The following MYOC variants were observed in gnomAD, a reference collection of about 807,000 sequenced individuals.
The protein encoded by MYOC is juvenile-onset open-angle glaucoma 1.
MYOC carries 29 observed loss-of-function variants against 28.2 expected under a neutral mutation model. That is an observed-to-expected ratio of 1.03 (90% CI 0.77 to 1.40). The LOEUF is 1.40. Among genes scored for constraint, MYOC ranks in the 40% most tolerant of loss-of-function variants. MYOC has a pLI of 0.00. For synonymous variants in MYOC, 240 were observed against 245.6 expected, an observed-to-expected ratio of 0.98 and a Z score of 0.21; for missense variants, 569 against 620.6, an observed-to-expected ratio of 0.92 and a Z score of 0.88.
In MYOC at chr1:171,635,895, C is replaced by T; in HGVS notation, c.*30G>A. 2 of 1,612,736 alleles carry T rather than the reference C, an allele frequency of 1.2e-6. No homozygotes were observed. Among genetic ancestry groups the T allele is most frequent in the Non-Finnish European group, 1.7e-6 (2 of 1,179,382 alleles). On this transcript the variant is annotated 3_prime_UTR_variant, in exon 3 of 3. Coordinates refer to ENST00000037502, the MANE Select transcript of MYOC (RefSeq NM_000261.2). ...CCCCAGGAGCCCTGAGCATCTCCTT[C>T]TGCCATTGCCTGTACAGCTTGGAGG... is the stretch of plus-strand genomic sequence containing the variant.
rs1181173454 is a variant in MYOC at position 171,652,359 on chromosome 1, G to C, written c.253C>G (p.Leu85Val). The change falls in exon 1 of 3, where the codon CTG (leucine) becomes GTG (valine). Residue 85 changes from leucine (L) to valine (V), a missense_variant. Leu to Val is a conservative substitution (Grantham distance 32). Transcript: ENST00000037502. Reference protein sequence around the residue: ...QRDSSTQRLDLEATKARLSSL... With the variant: ...QRDSSTQRLDVEATKARLSSL... The stretch of plus-strand genomic sequence containing the variant: ...CTGAGTCGAGCTTTGGTGGCCTCCA[G>C]GTCTAAGCGTTGGGTGCTGCTGTCT... 1.2e-6 allele frequency: 2 copies of C among 1,611,966 alleles called. No homozygotes were observed. The highest frequency in any genetic ancestry group is 1.7e-6 in the Non-Finnish European group (2 of 1,178,376).
At chr1:171,639,735 A>G (rs1653027995) in intron 1 of MYOC, among the ~76,000 whole-genome samples, 1 of 149,718 alleles carries the variant, frequency 6.7e-6, no homozygotes, top group Non-Finnish European at 1.5e-5. Context: ...CGGATCACTT[A>G]AGGCCAGGAG....
At position 171,652,270 on chromosome 1, in the gene MYOC, C is replaced by T. The variant is rs781609689; in HGVS notation, c.342G>A (p.Gln114=). ...LDQAARPQET[Q]EGLQRELGTL... Reference sequence around the variant, plus strand: ...TGCCCAGCTCCCTCTGCAGCCCCTCCTGGGTCTCCTGGGGCCTGGCAGCCT... The same window carrying T: ...TGCCCAGCTCCCTCTGCAGCCCCTCTTGGGTCTCCTGGGGCCTGGCAGCCT... The change falls in exon 1 of 3, where the codon CAG becomes CAA. Residue 114 remains glutamine (Q), a synonymous_variant. Coordinates refer to ENST00000037502, the MANE Select transcript of MYOC (RefSeq NM_000261.2). The T allele has an allele frequency of 7.4e-6, 12 of 1,613,672 alleles. No homozygotes were observed. The Admixed American group carries it at 1.5e-4, about 20-fold the overall frequency.
intron 1 of MYOC, among the ~76,000 whole-genome samples, chr1:171,647,869 A>C (rs1653240101): frequency 6.6e-6 from 1 of 152,008 alleles, no homozygotes; most frequent in Non-Finnish European, 1.5e-5. Context: ...AGCTTCTCTG[A>C]CTTTCTGCAT....
intron 2 of MYOC, 128 bp downstream of exon 2, chr1:171,638,469 C>T (rs1173084760): frequency 1.9e-6 from 2 of 1,056,076 alleles, no homozygotes; most frequent in Non-Finnish European, 2.9e-6. Context: ...CTCCTCCCCT[C>T]CCTCTGCTCC....
At chr1:171,638,195 G>A (rs1315140181) in intron 2 of MYOC, among the ~76,000 whole-genome samples, 2 of 152,196 alleles carry the variant, frequency 1.3e-5, no homozygotes, top group Non-Finnish European at 2.9e-5. Context: ...GTAACAGATT[G>A]TGGCTGAGAT....
chr1:171,645,064 G>A (rs913393413), intron 1 of MYOC, among the ~76,000 whole-genome samples: 1 of 152,162 alleles, frequency 6.6e-6, no homozygotes, highest in Non-Finnish European at 1.5e-5. Context: ...AAGAACAAGA[G>A]CTTTGAAGTG....
At chr1:171,650,647 G>T (rs575579621) in intron 1 of MYOC, among the ~76,000 whole-genome samples, 1 of 152,246 alleles carries the variant, frequency 6.6e-6, no homozygotes, top group Non-Finnish European at 1.5e-5. Flanking sequence ...TGAAGAGCTT[G>T]CCTTTCACGT....
chr1:171,649,940 G>C (rs6698607), intron 1 of MYOC, among the ~76,000 whole-genome samples: 1 of 152,072 alleles, frequency 6.6e-6, no homozygotes, highest in African/African-American at 2.4e-5. Flanking sequence ...CAGCGGTACC[G>C]GATGCTCATT....
chr1:171,645,370 C>T (rs1056274667), intron 1 of MYOC, among the ~76,000 whole-genome samples: 1 of 152,120 alleles, frequency 6.6e-6, no homozygotes. Flanking sequence ...CCTTGCCACA[C>T]GTTGCAGGTT....
chr1:171,639,827 T>C (rs965574235), intron 1 of MYOC, among the ~76,000 whole-genome samples: 2 of 151,010 alleles, frequency 1.3e-5, no homozygotes, highest in African/African-American at 4.9e-5. Context: ...GGCACATGCC[T>C]GTAGTTCCAG....
intron 1 of MYOC, among the ~76,000 whole-genome samples, chr1:171,645,062 G>A (rs535581953): frequency 6.6e-6 from 1 of 152,284 alleles, no homozygotes; most frequent in African/African-American, 2.4e-5. Flanking sequence ...TGAAGAACAA[G>A]AGCTTTGAAG....
At chr1:171,640,304 G>C (rs1464347495) in intron 1 of MYOC, among the ~76,000 whole-genome samples, 1 of 152,076 alleles carries the variant, frequency 6.6e-6, no homozygotes, top group East Asian at 1.9e-4. Context: ...GAAGGGAAGC[G>C]GGTGGGCAGC....
chr1:171,641,314 A>G (rs1293549121), intron 1 of MYOC, among the ~76,000 whole-genome samples: 1 of 152,198 alleles, frequency 6.6e-6, no homozygotes, highest in Admixed American at 6.5e-5. Flanking sequence ...TTGCTCCAGA[A>G]GAGGGCACCA....
chr1:171,651,689 G>C (rs1653358015), intron 1 of MYOC, among the ~76,000 whole-genome samples: 1 of 152,074 alleles, frequency 6.6e-6, no homozygotes, highest in South Asian at 2.1e-4. Context: ...TTTTCAAAAG[G>C]GACAATTGAC....
intron 2 of MYOC, among the ~76,000 whole-genome samples, chr1:171,638,133 G>T (rs1257856714): frequency 6.6e-6 from 1 of 152,178 alleles, no homozygotes; most frequent in African/African-American, 2.4e-5. Context: ...ACTTTGGAGA[G>T]AGCCAAACTG....
At chr1:171,646,905 T>C (rs979947015) in intron 1 of MYOC, among the ~76,000 whole-genome samples, 2 of 152,248 alleles carry the variant, frequency 1.3e-5, no homozygotes, top group Non-Finnish European at 2.9e-5. Flanking sequence ...GTCGCTTCTT[T>C]ATAGACTTGG....
At chr1:171,647,146 C>T (rs1572215116) in intron 1 of MYOC, among the ~76,000 whole-genome samples, 1 of 152,338 alleles carries the variant, frequency 6.6e-6, no homozygotes, top group East Asian at 1.9e-4. Flanking sequence ...ACTGCTCTAA[C>T]TTGTACTGTC....
rs759540800 is a variant in MYOC, at chr1:171,638,650, C to T, written c.677G>A (p.Arg226Gln). 25 of 1,614,048 alleles carry T rather than the reference C, an allele frequency of 1.5e-5. No individual in the cohort carries two copies. Among genetic ancestry groups the T allele is most frequent in the Non-Finnish European group, 1.9e-5 (22 of 1,180,028 alleles). Residue 226 changes from arginine (R) to glutamine (Q), a missense_variant, in exon 2 of 3, where the codon CGA becomes CAA. Physicochemically the swap from Arg to Gln is conservative, Grantham distance 43. Transcript: ENST00000037502. ...GCCAGATGGGCTCTCCTTCAAAATT[C>T]GGGAAGCAGGAACTTCAGTTAGCTC... is the stretch of plus-strand genomic sequence containing the variant. ...KSELTEVPAS[R>Q]ILKESPSGYL...
Sources: allele counts gnomAD v4.1 joint callset (sites outside exome capture counted in the v4.1 genomes callset), GRCh38; gene constraint gnomAD v4.1.1; transcripts MANE v1.5; gene names NCBI Gene and HGNC (gene_info 2026-07-23, HGNC 2026-07-21).